The following CBFA2T3 variants were observed in gnomAD, a reference collection of about 807,000 sequenced individuals.
CBFA2T3 encodes the protein CBFA2/RUNX1 partner transcriptional co-repressor 3, also known as transcriptional corepressor CBFA2T3.
In CBFA2T3, 31 loss-of-function variants were observed where a neutral mutation model predicts 58.6. The observed-to-expected ratio is 0.53, with a 90% confidence interval of 0.40 to 0.71. The LOEUF is 0.71. Among genes scored for constraint, CBFA2T3 ranks in the 30% least tolerant of loss-of-function variants. The pLI, the probability that CBFA2T3 is intolerant of heterozygous loss-of-function variation, is 0.00. For synonymous variants in CBFA2T3, 531 were observed against 421.9 expected, an observed-to-expected ratio of 1.26 and a Z score of -3.17; for missense variants, 1,076 against 963.1, an observed-to-expected ratio of 1.12 and a Z score of -1.55.
intron 1 of CBFA2T3, among the ~76,000 whole-genome samples, chr16:88,908,890 C>G (rs1246019931): frequency 6.6e-6 from 1 of 152,254 alleles, no homozygotes; most frequent in Non-Finnish European, 1.5e-5. Context: ...GCATTTTGTG[C>G]AGAACACCTC....
At chr16:88,961,533 C>T (rs140539251) in intron 1 of CBFA2T3, among the ~76,000 whole-genome samples, 1,709 of 142,374 alleles carry the variant, frequency 0.012, 21 homozygotes, top group Middle Eastern at 0.021. Context: ...CCATAGTAAC[C>T]GACCCTCAGC....
Position 88,926,447 on chromosome 16 carries a change from T to A in CBFA2T3, c.152-24791A>T, listed in dbSNP as rs577687204. On this transcript the variant is annotated intron_variant, in intron 1 of 11. Transcript: ENST00000268679. ...TGTCGGTGTCTGCTCAGCCCTGTGC[T>A]GTGGTTTTCAGGGGTCGAGGCTGAG... is the stretch of plus-strand genomic sequence containing the variant. Among the ~76,000 whole-genome samples the A allele has an allele frequency of 5.2e-3, 786 of 152,300 alleles. 6 individuals carry two copies. Among genetic ancestry groups the A allele is most frequent in the African/African-American group, 0.018 (741 of 41,580 alleles).
intron 1 of CBFA2T3, among the ~76,000 whole-genome samples, chr16:88,911,680 G>C (rs986791842): frequency 6.6e-6 from 1 of 152,284 alleles, no homozygotes; most frequent in Non-Finnish European, 1.5e-5. Flanking sequence ...AAAGCGTCTA[G>C]AACAGAGCGC....
intron 11 of CBFA2T3, among the ~76,000 whole-genome samples, chr16:88,877,892 C>T (rs576361609): frequency 4.6e-5 from 7 of 152,330 alleles, no homozygotes; most frequent in South Asian, 2.1e-4. Flanking sequence ...CTCTCACAGA[C>T]GGTTGGGCTG....
In CBFA2T3 at chr16:88,877,111, T is replaced by G; in HGVS notation, c.1827A>C (p.Gly609=). The change falls in exon 12 of 12, where the codon GGA becomes GGC. Residue 609 remains glycine, a synonymous_variant. Coordinates refer to ENST00000268679, the MANE Select transcript of CBFA2T3 (RefSeq NM_005187.6). ...PTAVVADPVP[G]PPEAAHSLGP... ...CCAGGCTGTGGGCGGCTTCGGGCGG[T>G]CCAGGCACCGGGTCGGCCACCACGG... 1 of 1,546,532 alleles carries G rather than the reference T, an allele frequency of 6.5e-7. No homozygotes were observed. Among genetic ancestry groups the G allele is most frequent in the African/African-American group, 1.4e-5 (1 of 73,008 alleles).
intron 1 of CBFA2T3, among the ~76,000 whole-genome samples, chr16:88,962,434 G>A (rs766237838): frequency 6.6e-6 from 1 of 152,264 alleles, no homozygotes; most frequent in Non-Finnish European, 1.5e-5. Context: ...CACTGTGTCT[G>A]CTGGGGTCAC....
At chr16:88,918,394 G>A (rs1048521193) in intron 1 of CBFA2T3, among the ~76,000 whole-genome samples, 2 of 152,154 alleles carry the variant, frequency 1.3e-5, no homozygotes, top group African/African-American at 4.8e-5. Flanking sequence ...CCTTCGCAGT[G>A]TGGGCTGTGG....
chr16:88,975,210 C>T (rs4782488), intron 1 of CBFA2T3, among the ~76,000 whole-genome samples: 40,418 of 100,498 alleles, frequency 0.4, 7,330 homozygotes, highest in Middle Eastern at 0.51. Context: ...TCCACCCTGA[C>T]CCTCTGCTCC....
chr16:88,932,528 T>A (rs1426746573), intron 1 of CBFA2T3, among the ~76,000 whole-genome samples: 1 of 151,728 alleles, frequency 6.6e-6, no homozygotes, highest in Non-Finnish European at 1.5e-5. Flanking sequence ...ACACCCATAG[T>A]CCCAGCTACT....
At chr16:88,916,111 T>C (rs1436196643) in intron 1 of CBFA2T3, among the ~76,000 whole-genome samples, 1 of 151,920 alleles carries the variant, frequency 6.6e-6, no homozygotes, top group African/African-American at 2.4e-5. Context: ...TGGGTGTGTG[T>C]CCGTGTATGT....
In CBFA2T3 at chr16:88,875,909, G is replaced by A. The variant is rs1446875638; in HGVS notation, c.*1067C>T. The A allele has an allele frequency of 4.3e-6, 1 of 233,084 alleles. No individual in the cohort carries two copies. The highest frequency in any genetic ancestry group is 8.5e-6 in the Non-Finnish European group (1 of 117,890). The allele number at this position is 233,084 out of a possible 1,614,324, so 14.4% of individuals were successfully genotyped here. ...TACACATATGGAGACGCAGGCCGGA[G>A]CAACGGCACACGGACCACGCACACG... is the stretch of plus-strand genomic sequence containing the variant. On this transcript the variant is annotated 3_prime_UTR_variant, in exon 12 of 12. Transcript: ENST00000268679.
chr16:88,927,932 C>A lies in CBFA2T3; in HGVS notation c.152-26276G>T, dbSNP rs997943687. ...AGCCGCAGATGCTGACACGGGCAAC[C>A]CTGCCCAGTGTGGGGCGTCCTCTGA... On this transcript the variant is annotated intron_variant, in intron 1 of 11. Coordinates refer to ENST00000268679, the MANE Select transcript of CBFA2T3 (RefSeq NM_005187.6). Among the ~76,000 whole-genome samples, 6 of 152,348 alleles carry A rather than the reference C, an allele frequency of 3.9e-5. No individual in the cohort carries two copies. In the East Asian group the frequency reaches 9.7e-4, roughly 25 times the overall value.
At chr16:88,928,347 GC>G (rs2142758019) in intron 1 of CBFA2T3, among the ~76,000 whole-genome samples, 1 of 152,356 alleles carries the variant, frequency 6.6e-6, no homozygotes, top group Non-Finnish European at 1.5e-5. Context: ...ACCAGGTGGA[GC>G]GGGCCCGGTC....
At chr16:88,942,721 A>G (rs1027967735) in intron 1 of CBFA2T3, among the ~76,000 whole-genome samples, 3 of 152,254 alleles carry the variant, frequency 2.0e-5, no homozygotes, top group African/African-American at 4.8e-5. Context: ...TGCTGTCTGA[A>G]GCCAGCCAGA....
At chr16:88,896,563 C>A (rs775018346) in intron 3 of CBFA2T3, among the ~76,000 whole-genome samples, 1 of 152,136 alleles carries the variant, frequency 6.6e-6, no homozygotes, top group Non-Finnish European at 1.5e-5. Context: ...CAATGGTGAG[C>A]TCCATGTGGC....
intron 8 of CBFA2T3, among the ~76,000 whole-genome samples, chr16:88,882,386 G>T (rs1334007219): frequency 6.6e-6 from 1 of 151,368 alleles, no homozygotes; most frequent in Non-Finnish European, 1.5e-5. Flanking sequence ...TGTGTGCATG[G>T]GTATGGCTGT....
intron 5 of CBFA2T3, 38 bp from the exon 6 acceptor site, chr16:88,886,180 G>A (rs889923404): frequency 4.1e-6 from 6 of 1,465,536 alleles, no homozygotes; most frequent in Non-Finnish European, 5.4e-6. Flanking sequence ...TAGCATGCAG[G>A]GGTGCACAGC....
At chr16:88,944,827 CAT>C (rs1971862534) in intron 1 of CBFA2T3, among the ~76,000 whole-genome samples, 1 of 152,262 alleles carries the variant, frequency 6.6e-6, no homozygotes, top group African/African-American at 2.4e-5. Flanking sequence ...TAGGCCCTCT[CAT>C]GTGCCCTCCG....
rs763276982 is a variant in CBFA2T3, at chr16:88,892,400, C to G, written c.465G>C (p.Ser155=). ...GCTGTGTGGACAAGGAGGCTGTGGACGAGGTGGCCGGGCCATTGCTGAAGC... is the reference window on the plus strand; with the variant it reads ...GCTGTGTGGACAAGGAGGCTGTGGAGGAGGTGGCCGGGCCATTGCTGAAGC... ...PNGFSNGPAT[S]STASLSTQHL... Residue 155 remains serine (S), a synonymous_variant, in exon 4 of 12, where the codon TCG becomes TCC. Transcript: ENST00000268679. 1 of 1,613,542 alleles carries G rather than the reference C, an allele frequency of 6.2e-7. No individual in the cohort carries two copies. The highest frequency in any genetic ancestry group is 2.2e-5 in the East Asian group (1 of 44,876).
Sources: gnomAD v4.1 joint callset for allele counts (sites outside exome capture counted in the v4.1 genomes callset) on GRCh38, gnomAD v4.1.1 for gene constraint, MANE v1.5 for transcripts, NCBI Gene and HGNC (gene_info 2026-07-23, HGNC 2026-07-21) for gene names.